SAE1: variants seen among roughly 807,000 people sequenced by gnomAD.
SAE1 encodes SUMO1 activating enzyme subunit 1.
A neutral mutation model predicts 40.6 loss-of-function variants in SAE1; 11 were observed. That is an observed-to-expected ratio of 0.27 (90% CI 0.17 to 0.45). The LOEUF is 0.45. Among genes scored for constraint, SAE1 ranks in the 20% least tolerant of loss-of-function variants. The pLI is 1.00. For synonymous variants in SAE1, 155 were observed against 154.3 expected, an observed-to-expected ratio of 1.00 and a Z score of -0.03; for missense variants, 373 against 427.3, an observed-to-expected ratio of 0.87 and a Z score of 1.12.
At chr19:47,195,491 A>T (rs925221170) in intron 6 of SAE1, among the ~76,000 whole-genome samples, 2 of 152,126 alleles carry the variant, frequency 1.3e-5, no homozygotes, top group African/African-American at 4.8e-5. Context: ...TTAAACATCC[A>T]TTTATGGGGA....
At chr19:47,193,057 CT>C (rs869046931) in intron 6 of SAE1, among the ~76,000 whole-genome samples, 2,848 of 136,942 alleles carry the variant, frequency 0.021, 66 homozygotes, top group African/African-American at 0.068. Flanking sequence ...TGGTCACAGC[CT>C]TTTTTTTTTT....
intron 5 of SAE1, among the ~76,000 whole-genome samples, chr19:47,158,478 G>A (rs1254539835): frequency 6.6e-6 from 1 of 152,198 alleles, no homozygotes; most frequent in Non-Finnish European, 1.5e-5. Context: ...AGCCAGAGGA[G>A]ACAGCAATGA....
intron 7 of SAE1, among the ~76,000 whole-genome samples, chr19:47,199,342 G>A (rs1002843443): frequency 3.7e-5 from 5 of 134,496 alleles, no homozygotes; most frequent in African/African-American, 8.6e-5. Context: ...CTGAGATCAC[G>A]CCACTGCACT....
chr19:47,155,312 G>T, intron 5 of SAE1, 99 bp downstream of exon 5: 3 of 773,482 alleles, frequency 3.9e-6, no homozygotes, highest in Non-Finnish European at 6.5e-6. Flanking sequence ...TCTTGAAGGG[G>T]TGGGGCGGGT....
intron 2 of SAE1, among the ~76,000 whole-genome samples, chr19:47,145,749 C>A (rs542754350): frequency 2.8e-4 from 43 of 152,164 alleles, no homozygotes; most frequent in African/African-American, 9.9e-4. Flanking sequence ...TTGTAAGAAT[C>A]CAACATTGGA....
intron 2 of SAE1, among the ~76,000 whole-genome samples, chr19:47,149,817 C>T (rs1304558134): frequency 2.6e-5 from 4 of 152,066 alleles, no homozygotes; most frequent in Non-Finnish European, 5.9e-5. Context: ...GTGTTTCATG[C>T]CTGTAATCTC....
At chr19:47,195,183 T>A (rs901616280) in intron 6 of SAE1, among the ~76,000 whole-genome samples, 2 of 151,366 alleles carry the variant, frequency 1.3e-5, no homozygotes, top group Non-Finnish European at 2.9e-5. Flanking sequence ...GCCTCCTGAC[T>A]AAGTGGGACT....
chr19:47,145,255 C>G (rs1001605371), intron 2 of SAE1, among the ~76,000 whole-genome samples: 1 of 152,168 alleles, frequency 6.6e-6, no homozygotes, highest in African/African-American at 2.4e-5. Context: ...CCCACCTCGG[C>G]CTCCCAAAGT....
At chr19:47,183,224 T>A (rs1217269736) in intron 6 of SAE1, among the ~76,000 whole-genome samples, 1 of 152,088 alleles carries the variant, frequency 6.6e-6, no homozygotes, top group East Asian at 1.9e-4. Flanking sequence ...CCGGTTCACG[T>A]ACTTTACATG....
chr19:47,206,456 G>A (rs768631480), intron 8 of SAE1, among the ~76,000 whole-genome samples: 12 of 152,170 alleles, frequency 7.9e-5, no homozygotes, highest in Non-Finnish European at 1.3e-4. Context: ...TGGGTCAAGC[G>A]CAAGTCTGCT....
intron 7 of SAE1, among the ~76,000 whole-genome samples, chr19:47,200,563 G>T (rs904162164): frequency 3.3e-5 from 5 of 152,002 alleles, no homozygotes; most frequent in African/African-American, 1.2e-4. Flanking sequence ...TGTAGAGACG[G>T]GGGTCTCACT....
chr19:47,144,087 A>G (rs566325924), intron 2 of SAE1, among the ~76,000 whole-genome samples: 2 of 152,246 alleles, frequency 1.3e-5, no homozygotes, highest in South Asian at 4.1e-4. Flanking sequence ...TAATCCCAAC[A>G]CTTTGGAAGG....
intron 6 of SAE1, among the ~76,000 whole-genome samples, chr19:47,192,537 A>G (rs1259071216): frequency 1.3e-5 from 2 of 150,992 alleles, no homozygotes; most frequent in Admixed American, 6.6e-5. Flanking sequence ...ATCAGCCACC[A>G]TGCCCGGCTA....
Position 47,143,482 on chromosome 19 carries a change from T to A in SAE1, c.99-12T>A. On this transcript the variant is annotated splice_polypyrimidine_tract_variant and intron_variant, in intron 1 of 8. Transcript: ENST00000270225. ...GTTCTGTATCATCAGGTTAACAATG[T>A]TTGTCTTACAGGCTGCGGGCCTCTC... 1 of 1,602,566 alleles carries A rather than the reference T, an allele frequency of 6.2e-7. No individual in the cohort carries two copies.
intron 8 of SAE1, among the ~76,000 whole-genome samples, chr19:47,206,846 A>T (rs192034306): frequency 1.3e-4 from 20 of 152,362 alleles, no homozygotes; most frequent in African/African-American, 3.8e-4. Context: ...AAGCCTAGTC[A>T]CATTTCATTC....
chr19:47,171,929 T>A (rs1315084722), intron 6 of SAE1, among the ~76,000 whole-genome samples: 1 of 151,898 alleles, frequency 6.6e-6, no homozygotes, highest in East Asian at 1.9e-4. Flanking sequence ...TTTATGCATT[T>A]ATTTTTTTGA....
In SAE1 at chr19:47,188,836, A is replaced by T. The variant is rs547149012; in HGVS notation, c.734-8397A>T. 6.6e-5 allele frequency among the ~76,000 whole-genome samples: 10 copies of T among 152,318 alleles called. No homozygotes were observed. The South Asian group carries it at 2.1e-3, about 32-fold the overall frequency. ...CAGGCTTTGCAGAGAGAAGGTACAG[A>T]GGACGGGACAGGCAAATATTCAGAG... On this transcript the variant is annotated intron_variant, in intron 6 of 8. Coordinates refer to ENST00000270225, the MANE Select transcript of SAE1 (RefSeq NM_005500.3).
intron 5 of SAE1, among the ~76,000 whole-genome samples, chr19:47,161,614 T>C (rs948904063): frequency 3.9e-5 from 6 of 152,150 alleles, no homozygotes; most frequent in African/African-American, 1.2e-4. Flanking sequence ...ATGGAACTTA[T>C]TATACAATAT....
At chr19:47,177,897 G>A (rs181156226) in intron 6 of SAE1, among the ~76,000 whole-genome samples, 4 of 152,172 alleles carry the variant, frequency 2.6e-5, no homozygotes, top group African/African-American at 4.8e-5. Flanking sequence ...GCTGAGCCTC[G>A]GAGGGGACTG....
Sources: gnomAD v4.1 joint callset for allele counts (sites outside exome capture counted in the v4.1 genomes callset) on GRCh38, gnomAD v4.1.1 for gene constraint, MANE v1.5 for transcripts, NCBI Gene and HGNC (gene_info 2026-07-23, HGNC 2026-07-21) for gene names.